The following GFOD1 variants were observed in gnomAD, a reference collection of about 807,000 sequenced individuals.
GFOD1 encodes the protein Gfo/Idh/MocA-like oxidoreductase domain containing 1.
GFOD1 carries 9 observed loss-of-function variants against 25.4 expected under a neutral mutation model. The observed-to-expected ratio is 0.35, with a 90% confidence interval of 0.21 to 0.62. The LOEUF is 0.62. Among genes scored for constraint, GFOD1 ranks in the 20% least tolerant of loss-of-function variants. The pLI is 0.72. For synonymous variants in GFOD1, 253 were observed against 245.6 expected (o/e 1.03, Z -0.28); for missense variants, 403 against 556.9 (o/e 0.72, Z 2.78).
At chr6:13,470,053 T>C in intron 1 of GFOD1, 2 of 1,378,910 alleles carry the variant, frequency 1.5e-6, no homozygotes, top group Non-Finnish European at 9.7e-7. Flanking sequence ...TTACACATTG[T>C]AGCCACTCAG....
intron 1 of GFOD1, among the ~76,000 whole-genome samples, chr6:13,428,514 CGAT>C (rs1757685396): frequency 2.7e-5 from 3 of 110,910 alleles, no homozygotes; most frequent in South Asian, 3.1e-4. Context: ...CAGTGCGATG[CGAT>C]GCGCTGGCTT....
chr6:13,455,593 C>T (rs887196900), intron 1 of GFOD1, among the ~76,000 whole-genome samples: 11 of 152,200 alleles, frequency 7.2e-5, no homozygotes, highest in South Asian at 2.1e-4. Flanking sequence ...GCCCACCAGA[C>T]GCCCTGCTAC....
At chr6:13,423,702 T>C (rs1271594511) in intron 1 of GFOD1, among the ~76,000 whole-genome samples, 3 of 152,202 alleles carry the variant, frequency 2.0e-5, no homozygotes, top group African/African-American at 7.2e-5. Context: ...CACTTTGATA[T>C]GGAAGGCATC....
chr6:13,447,074 G>A (rs570506693), intron 1 of GFOD1, among the ~76,000 whole-genome samples: 1 of 152,318 alleles, frequency 6.6e-6, no homozygotes, highest in East Asian at 1.9e-4. Flanking sequence ...CAGAAGATCG[G>A]TGTCAGAAGG....
chr6:13,473,052 T>C (rs548002677), intron 1 of GFOD1, among the ~76,000 whole-genome samples: 2 of 152,276 alleles, frequency 1.3e-5, no homozygotes, highest in South Asian at 4.1e-4. Context: ...AGAAAGGGAT[T>C]TGAAACACCA....
chr6:13,455,313 A>G (rs546616875), intron 1 of GFOD1, among the ~76,000 whole-genome samples: 5 of 152,322 alleles, frequency 3.3e-5, no homozygotes, highest in African/African-American at 1.2e-4. Context: ...TCACCTTGGT[A>G]ATTCCAGATG....
At chr6:13,382,901 T>C (rs474159) in intron 1 of GFOD1, among the ~76,000 whole-genome samples, 1 of 151,984 alleles carries the variant, frequency 6.6e-6, no homozygotes, top group African/African-American at 2.4e-5. Flanking sequence ...CTCCCACTTA[T>C]AAGTGAAAAC....
intron 1 of GFOD1, among the ~76,000 whole-genome samples, chr6:13,389,890 T>C (rs1233637780): frequency 6.6e-6 from 1 of 152,176 alleles, no homozygotes; most frequent in Non-Finnish European, 1.5e-5. Context: ...CATTTTTTAC[T>C]TTCCCATGTT....
intron 1 of GFOD1, among the ~76,000 whole-genome samples, chr6:13,428,300 C>T (rs1485432111): frequency 1.3e-5 from 2 of 152,170 alleles, no homozygotes; most frequent in African/African-American, 4.8e-5. Context: ...CGTCCTAGTG[C>T]CTCTTTTGAC....
chr6:13,463,263 T>C (rs1457603849), intron 1 of GFOD1, among the ~76,000 whole-genome samples: 1 of 152,100 alleles, frequency 6.6e-6, no homozygotes. Context: ...TTACAGATGC[T>C]GCACTTGGAA....
intron 1 of GFOD1, among the ~76,000 whole-genome samples, chr6:13,389,021 C>T (rs1290146451): frequency 2.0e-5 from 3 of 152,222 alleles, no homozygotes; most frequent in Non-Finnish European, 2.9e-5. Flanking sequence ...AAATGCTCAT[C>T]ATCACTGGTC....
chr6:13,374,264 GT>G (rs113077397), intron 1 of GFOD1, among the ~76,000 whole-genome samples: 14 of 126,202 alleles, frequency 1.1e-4, no homozygotes, highest in East Asian at 3.3e-4. Flanking sequence ...TTAAAAATAT[GT>G]TTTTTTTTTG....
intron 1 of GFOD1, among the ~76,000 whole-genome samples, chr6:13,457,340 A>C (rs907340367): frequency 6.6e-6 from 1 of 152,170 alleles, no homozygotes; most frequent in Non-Finnish European, 1.5e-5. Context: ...CTCAATAAAC[A>C]TTTGGGGATG....
At chr6:13,419,684 C>T (rs1021247034) in intron 1 of GFOD1, among the ~76,000 whole-genome samples, 4 of 152,200 alleles carry the variant, frequency 2.6e-5, no homozygotes, top group African/African-American at 9.7e-5. Flanking sequence ...GCTCCTCTGA[C>T]TTCTCCCCCT....
intron 1 of GFOD1, among the ~76,000 whole-genome samples, chr6:13,458,308 C>T (rs1046267981): frequency 2.0e-5 from 3 of 152,056 alleles, no homozygotes; most frequent in African/African-American, 7.2e-5. Flanking sequence ...AGTAGAGACA[C>T]GGTTTCACCA....
chr6:13,469,119 G>A (rs1350587820), intron 1 of GFOD1: 3 of 354,900 alleles, frequency 8.5e-6, no homozygotes, highest in African/African-American at 2.2e-5. Flanking sequence ...AGTTATGTAG[G>A]AGAGGGAGTT....
At chr6:13,462,114 G>GT in intron 1 of GFOD1, among the ~76,000 whole-genome samples, 1 of 152,226 alleles carries the variant, frequency 6.6e-6, no homozygotes, top group Non-Finnish European at 1.5e-5. Context: ...GACTGTAGTG[G>GT]TAAGAATTAA....
chr6:13,476,061 C>T (rs2127578590), intron 1 of GFOD1, among the ~76,000 whole-genome samples: 1 of 152,280 alleles, frequency 6.6e-6, no homozygotes, highest in East Asian at 1.9e-4. Flanking sequence ...AATATATACA[C>T]ACTATACAAC....
intron 1 of GFOD1, among the ~76,000 whole-genome samples, chr6:13,436,562 A>G (rs1757836175): frequency 6.6e-6 from 1 of 152,246 alleles, no homozygotes; most frequent in Non-Finnish European, 1.5e-5. Flanking sequence ...TTGTATTAAT[A>G]TGACACAATT....
Sources: allele counts gnomAD v4.1 joint callset (sites outside exome capture counted in the v4.1 genomes callset), GRCh38; gene constraint gnomAD v4.1.1; transcripts MANE v1.5; gene names NCBI Gene and HGNC (gene_info 2026-07-23, HGNC 2026-07-21).